Variants in STAT5B observed in about 807,000 individuals in gnomAD.
STAT5B encodes the protein transcription factor STAT5B.
A neutral mutation model predicts 107.8 loss-of-function variants in STAT5B; 21 were observed. The ratio of observed to expected loss-of-function variants is 0.19; its 90% CI spans 0.14 to 0.28. The LOEUF (loss-of-function observed/expected upper bound fraction) is 0.28. Among genes scored for constraint, STAT5B ranks in the 10% least tolerant of loss-of-function variants. The pLI is 1.00. For synonymous variants in STAT5B, 325 were observed against 401.7 expected, an observed-to-expected ratio of 0.81 and a Z score of 2.28; for missense variants, 565 against 1,008.2, an observed-to-expected ratio of 0.56 and a Z score of 5.95.
intron 16 of STAT5B, 120 bp from the exon 17 acceptor site, chr17:42,202,928 AC>A: frequency 7.8e-7 from 1 of 1,282,518 alleles, no homozygotes; most frequent in Non-Finnish European, 1.1e-6. Flanking sequence ...TAAGGATATG[AC>A]ACAAGCACTT....
the STAT5B span, among the ~76,000 whole-genome samples, chr17:42,286,266 G>T: frequency 1.3e-5 from 2 of 151,390 alleles, no homozygotes; most frequent in Non-Finnish European, 2.9e-5. Context: ...CCCAGAAGGG[G>T]AAATGTGCAA....
At chr17:42,203,397 C>T (rs1458438167) in intron 16 of STAT5B, among the ~76,000 whole-genome samples, 6 of 151,448 alleles carry the variant, frequency 4.0e-5, no homozygotes, top group African/African-American at 1.5e-4. Flanking sequence ...AAGTCAAGCA[C>T]TAATTGCATA....
At chr17:42,257,861 C>T (rs987554722) in intron 1 of STAT5B, among the ~76,000 whole-genome samples, 1 of 152,108 alleles carries the variant, frequency 6.6e-6, no homozygotes, top group Non-Finnish European at 1.5e-5. Flanking sequence ...TATTTTGAAA[C>T]ACTTAAAAAT....
chr17:42,276,346 AG>A lies in STAT5B; in HGVS notation c.-110del, dbSNP rs1198621507. 6.8e-6 allele frequency: 1 copy of A among 146,066 alleles called. No homozygotes were observed. Among genetic ancestry groups the A allele is most frequent in the Non-Finnish European group, 1.5e-5 (1 of 65,762 alleles). 9.0% of individuals were successfully genotyped at this position (146,066 alleles called of 1,614,324 possible). ...CTCCCTCGGCCGGGCCGCCGCGCGG[AG>A]TTGCCTGCGCTGGGTCCCCGCCCGG... On this transcript the variant is annotated 5_prime_UTR_variant, in exon 1 of 19. Coordinates refer to ENST00000293328, the MANE Select transcript of STAT5B (RefSeq NM_012448.4). This position sits in a 1 kb window ranked among gnomAD's most constrained non-coding sequence, Gnocchi z 4.8.
chr17:42,230,248 C>T (rs2080306848), intron 2 of STAT5B, among the ~76,000 whole-genome samples: 1 of 152,066 alleles, frequency 6.6e-6, no homozygotes, highest in Admixed American at 6.6e-5. Context: ...GCTACTAACA[C>T]GCATTGCGAT....
chr17:42,215,177 C>T (rs1475566145), intron 12 of STAT5B, among the ~76,000 whole-genome samples: 1 of 152,146 alleles, frequency 6.6e-6, no homozygotes, highest in Non-Finnish European at 1.5e-5. Flanking sequence ...GAATGAATCA[C>T]AGAAACTAAA....
chr17:42,237,380 C>A (rs1224347094), intron 1 of STAT5B, among the ~76,000 whole-genome samples: 6 of 152,194 alleles, frequency 3.9e-5, no homozygotes, highest in African/African-American at 1.4e-4. Context: ...TCATAAATAT[C>A]TTTTCTCAGA....
chr17:42,215,994 T>C lies in STAT5B; in HGVS notation c.1473+20A>G. 1.2e-6 allele frequency: 2 copies of C among 1,613,198 alleles called. No individual in the cohort carries two copies. Among genetic ancestry groups the C allele is most frequent in the Non-Finnish European group, 8.5e-7 (1 of 1,179,392 alleles). Reference sequence around the variant, plus strand: ...ACCGGCATTGATTTTGGGACCCACATGCCCGAGGAATACACTCACAGGCTC... The same window carrying C: ...ACCGGCATTGATTTTGGGACCCACACGCCCGAGGAATACACTCACAGGCTC... On this transcript the variant is annotated intron_variant, in intron 12 of 18. Coordinates refer to ENST00000293328, the MANE Select transcript of STAT5B (RefSeq NM_012448.4).
intron 1 of STAT5B, among the ~76,000 whole-genome samples, chr17:42,250,381 G>A (rs1783181014): frequency 6.6e-6 from 1 of 152,026 alleles, no homozygotes. Context: ...GTTAAATTAA[G>A]CCACCCACAC....
chr17:42,224,751 G>A (rs1260862123), intron 4 of STAT5B, 28 bp downstream of exon 4: 2 of 1,610,644 alleles, frequency 1.2e-6, no homozygotes, highest in South Asian at 1.1e-5. Context: ...CTTCCCGACT[G>A]CCCTCCCCAT....
chr17:42,277,992 G>A (rs532918495), upstream of STAT5B, among the ~76,000 whole-genome samples: 5 of 152,042 alleles, frequency 3.3e-5, no homozygotes, highest in Admixed American at 6.5e-5. Flanking sequence ...TCCTGACCTC[G>A]TAATCTGCCC....
intron 1 of STAT5B, among the ~76,000 whole-genome samples, chr17:42,264,087 G>A (rs2080644988): frequency 6.6e-6 from 1 of 151,932 alleles, no homozygotes; most frequent in Non-Finnish European, 1.5e-5. Flanking sequence ...TATTCTATTG[G>A]ACAGCTATAC....
chr17:42,237,522 T>C (rs2080366307), intron 1 of STAT5B, among the ~76,000 whole-genome samples: 1 of 152,122 alleles, frequency 6.6e-6, no homozygotes, highest in Admixed American at 6.5e-5. Context: ...TGTCTGACAT[T>C]AGAAGGCCCA....
At chr17:42,268,450 T>A (rs900964116) in intron 1 of STAT5B, 1 of 152,212 alleles carries the variant, frequency 6.6e-6, no homozygotes, top group Non-Finnish European at 1.5e-5. Flanking sequence ...CAAAATCGCC[T>A]AATGCATTTC....
At position 42,259,851 on chromosome 17, in the gene STAT5B, G is replaced by C. The variant is rs545318354; in HGVS notation, c.-11+16397C>G. 5.9e-5 allele frequency among the ~76,000 whole-genome samples: 9 copies of C among 152,166 alleles called. No homozygotes were observed. In the East Asian group the frequency reaches 1.7e-3, roughly 29 times the overall value. On this transcript the variant is annotated intron_variant, in intron 1 of 18. Coordinates refer to ENST00000293328, the MANE Select transcript of STAT5B (RefSeq NM_012448.4). ...TGGCTTCAGTTCCCACAGGGCAAGAGACCCTATTTGTTTTGTTTTATTTTA... is the reference window on the plus strand; with the variant it reads ...TGGCTTCAGTTCCCACAGGGCAAGACACCCTATTTGTTTTGTTTTATTTTA...
In STAT5B at chr17:42,217,386, G is replaced by C; in HGVS notation, c.1248C>G (p.Phe416Leu). Residue 416 changes from phenylalanine to leucine, a missense_variant, in exon 10 of 19, where the codon TTC becomes TTG. This residue lies in a region of STAT5B where 70 missense variants were observed against 73.2 expected (regional missense o/e 0.96). Coordinates refer to ENST00000293328, the MANE Select transcript of STAT5B (RefSeq NM_012448.4). ...CTTCTTCCACCCTCACCATATTCCTGAAGTGGGCACTAAGGGTGCCTGTGG... is the reference window on the plus strand; with the variant it reads ...CTTCTTCCACCCTCACCATATTCCTCAAGTGGGCACTAAGGGTGCCTGTGG... Reference protein sequence around the residue: ...HQATGTLSAHFRNMSLKRIKR... With the variant: ...HQATGTLSAHLRNMSLKRIKR... The C allele has an allele frequency of 6.2e-7, 1 of 1,614,218 alleles. No individual in the cohort carries two copies. Among genetic ancestry groups the C allele is most frequent in the Admixed American group, 1.7e-5 (1 of 60,016 alleles).
intron 1 of STAT5B, among the ~76,000 whole-genome samples, chr17:42,261,711 C>T (rs1470430783): frequency 3.3e-5 from 5 of 152,124 alleles, no homozygotes; most frequent in Non-Finnish European, 7.3e-5. Flanking sequence ...CAGGCACACA[C>T]CACCACGTCT....
chr17:42,281,497 G>C (rs537372812), upstream of STAT5B, among the ~76,000 whole-genome samples: 1 of 152,322 alleles, frequency 6.6e-6, no homozygotes, highest in African/African-American at 2.4e-5. Flanking sequence ...ATTTGTGAAG[G>C]CAACTAAGCA....
At chr17:42,245,793 G>C (rs912785748) in intron 1 of STAT5B, among the ~76,000 whole-genome samples, 1 of 152,046 alleles carries the variant, frequency 6.6e-6, no homozygotes, top group Non-Finnish European at 1.5e-5. Flanking sequence ...CAAAGTGCTG[G>C]AATTACAGGC....
Sources: allele counts gnomAD v4.1 joint callset (sites outside exome capture counted in the v4.1 genomes callset), GRCh38; gene constraint gnomAD v4.1.1; regional missense constraint gnomAD v4.1.1; non-coding constraint Gnocchi (gnomAD v3.1); transcripts MANE v1.5; gene names NCBI Gene and HGNC (gene_info 2026-07-23, HGNC 2026-07-21).